TMEM63B: variants seen among roughly 807,000 people sequenced by gnomAD.
TMEM63B encodes mechanosensitive cation channel TMEM63B.
A neutral mutation model predicts 102.6 loss-of-function variants in TMEM63B; 23 were observed. That is an observed-to-expected ratio of 0.22 (90% confidence interval 0.16 to 0.32). The LOEUF is 0.32. Ranked by LOEUF, TMEM63B falls within the 10% of genes least tolerant of loss-of-function variation. The pLI is 1.00. For synonymous variants in TMEM63B, 444 were observed against 437.0 expected, an observed-to-expected ratio of 1.02 and a Z score of -0.20; for missense variants, 628 against 1,095.9, an observed-to-expected ratio of 0.57 and a Z score of 6.03.
At chr6:44,131,732 C>T (rs975408609) in intron 1 of TMEM63B, among the ~76,000 whole-genome samples, 1 of 90,462 alleles carries the variant, frequency 1.1e-5, no homozygotes, top group African/African-American at 6.4e-5. Context: ...AAATACACAA[C>T]AACCCCCCCA....
intron 10 of TMEM63B, among the ~76,000 whole-genome samples, chr6:44,144,699 C>T (rs1389277174): frequency 1.3e-5 from 2 of 151,986 alleles, no homozygotes; most frequent in East Asian, 3.9e-4. Context: ...TGGGCTGAAT[C>T]GATCCTCCTG....
intron 6 of TMEM63B, chr6:44,138,719 T>C (rs1763514490): frequency 2.0e-5 from 7 of 356,890 alleles, no homozygotes; most frequent in East Asian, 4.7e-5. Flanking sequence ...CATAATCTCC[T>C]CTGTGACCCC....
chr6:44,148,647 A>G lies in TMEM63B; in HGVS notation c.1256A>G (p.Tyr419Cys), dbSNP rs771888770. The G allele has an allele frequency of 1.2e-6, 2 of 1,613,850 alleles. No individual in the cohort carries two copies. The highest frequency in any genetic ancestry group is 1.7e-6 in the Non-Finnish European group (2 of 1,179,828). The change falls in exon 14 of 24, where the codon TAC becomes TGC. Residue 419 changes from tyrosine (Y) to cysteine (C), a missense_variant. By Grantham distance (194) the Tyr-to-Cys change is radical (BLOSUM62 -2). Around this residue, in one of 6 missense-constraint regions of TMEM63B, gnomAD observed 336 missense variants for 580.3 expected, o/e 0.58. Transcript: ENST00000323267. This position sits in a 1 kb window ranked among gnomAD's most constrained non-coding sequence, Gnocchi z 5.1. ...VSYAPDPQNI[Y>C]WEHLSIRGFI... is the part of the protein sequence containing the mutation. ...TATGCCCCTGACCCTCAGAACATCT[A>G]CTGGTGAGCAAACAGGTGTCAGGGC...
Position 44,147,331 on chromosome 6 carries a change from C to T in TMEM63B, c.864-46C>T, listed in dbSNP as rs1177693485. The T allele has an allele frequency of 3.7e-6, 6 of 1,613,776 alleles. No individual in the cohort carries two copies. In the South Asian group the frequency reaches 6.6e-5, roughly 18 times the overall value. ...GAGCTAGATGACCCCCAAGCTGAGCCAGCCCCAGCCCCAGATGTAGGTGAC... is the reference window on the plus strand; with the variant it reads ...GAGCTAGATGACCCCCAAGCTGAGCTAGCCCCAGCCCCAGATGTAGGTGAC... On this transcript the variant is annotated intron_variant, in intron 11 of 23. Transcript: ENST00000323267.
chr6:44,144,141 C>T (rs930172820), intron 10 of TMEM63B, among the ~76,000 whole-genome samples: 4 of 152,072 alleles, frequency 2.6e-5, no homozygotes, highest in Admixed American at 6.5e-5. Context: ...TTCATTGATC[C>T]GCTCATTTAC....
At chr6:44,146,976 T>C (rs372224849) in intron 11 of TMEM63B, 49 bp downstream of exon 11, 3 of 1,591,892 alleles carry the variant, frequency 1.9e-6, no homozygotes, top group Non-Finnish European at 2.6e-6. Flanking sequence ...CCCCTGCCAT[T>C]GTGGAGGACA....
Position 44,150,560 on chromosome 6 carries a change from C to G in TMEM63B, c.1608-4C>G. 1 of 1,614,184 alleles carries G rather than the reference C, an allele frequency of 6.2e-7. No individual in the cohort carries two copies. The highest frequency in any genetic ancestry group is 8.5e-7 in the Non-Finnish European group (1 of 1,180,030). On this transcript the variant is annotated splice_polypyrimidine_tract_variant and splice_region_variant and intron_variant, in intron 17 of 23. Coordinates refer to ENST00000323267, the MANE Select transcript of TMEM63B (RefSeq NM_018426.3). The surrounding 1 kb of genome is among the most constrained non-coding windows in gnomAD (Gnocchi z 4.7). Reference sequence around the variant, plus strand: ...CACCCCATCTCTCCTCTGCTTCCCTCCAGCCTGGACCTCTTCTTCCGCTGG... The same window carrying G: ...CACCCCATCTCTCCTCTGCTTCCCTGCAGCCTGGACCTCTTCTTCCGCTGG...
At chr6:44,129,840 T>C (rs1318067638) in intron 1 of TMEM63B, among the ~76,000 whole-genome samples, 1 of 152,232 alleles carries the variant, frequency 6.6e-6, no homozygotes, top group Non-Finnish European at 1.5e-5. Flanking sequence ...TTAAGAGCTT[T>C]ACATAAGTCA....
chr6:44,150,148 A>G lies in TMEM63B; in HGVS notation c.1521-76A>G. ...CCTTCCCAGGGGACACTCCTTGGAC[A>G]TTGTCCTTGTTGGGGGAGCAAGTCT... On this transcript the variant is annotated intron_variant, in intron 16 of 23. Transcript: ENST00000323267. The surrounding 1 kb of genome is among the most constrained non-coding windows in gnomAD (Gnocchi z 4.7). 6.7e-7 allele frequency: 1 copy of G among 1,485,932 alleles called. No individual in the cohort carries two copies. The highest frequency in any genetic ancestry group is 1.7e-5 in the Admixed American group (1 of 57,752). The allele number at this position is 1,485,932 out of a possible 1,614,324, so 92.0% of individuals were successfully genotyped here.
intron 4 of TMEM63B, 83 bp downstream of exon 4, chr6:44,135,449 GT>G: frequency 6.6e-7 from 1 of 1,506,600 alleles, no homozygotes; most frequent in South Asian, 1.2e-5. Flanking sequence ...TTCCTGCCAA[GT>G]TGCTGGTTTC....
chr6:44,127,866 T>A (rs907700089), intron 1 of TMEM63B, 188 bp downstream of exon 1: 7 of 150,368 alleles, frequency 4.7e-5, no homozygotes, highest in Admixed American at 3.3e-4. Context: ...CCGAGCCAAA[T>A]GTGAGTCCTC....
chr6:44,137,999 C>T (rs1462324607), intron 5 of TMEM63B, among the ~76,000 whole-genome samples: 3 of 152,088 alleles, frequency 2.0e-5, no homozygotes, highest in East Asian at 1.9e-4. Flanking sequence ...CGCACCTGGC[C>T]GGAGGTGGGG....
At chr6:44,129,745 C>G (rs531974182) in intron 1 of TMEM63B, among the ~76,000 whole-genome samples, 4 of 152,256 alleles carry the variant, frequency 2.6e-5, no homozygotes, top group East Asian at 1.9e-4. Flanking sequence ...TACCAATTTT[C>G]TTTCTCTAAA....
At chr6:44,136,021 G>A (rs548475106) in intron 4 of TMEM63B, among the ~76,000 whole-genome samples, 26 of 152,088 alleles carry the variant, frequency 1.7e-4, no homozygotes, top group Admixed American at 3.3e-4. Context: ...GCCCGCCCCC[G>A]GCCCCTGCCA....
intron 1 of TMEM63B, chr6:44,132,161 C>T: frequency 1.3e-6 from 1 of 749,794 alleles, no homozygotes; most frequent in Admixed American, 6.2e-5. Flanking sequence ...GTTCCTGCTT[C>T]CTCCCTGTAA....
chr6:44,138,587 C>A (rs1763480845), intron 6 of TMEM63B, 70 bp downstream of exon 6: 10 of 1,591,700 alleles, frequency 6.3e-6, no homozygotes, highest in Non-Finnish European at 8.6e-6. Flanking sequence ...CTACAAAATT[C>A]AGAAGCCAGC....
chr6:44,147,066 T>A, intron 11 of TMEM63B, 139 bp downstream of exon 11: 2 of 1,017,348 alleles, frequency 2.0e-6, no homozygotes, highest in East Asian at 2.6e-5. Context: ...GTGTGCCTGT[T>A]AATTCAGCTC....
intron 1 of TMEM63B, among the ~76,000 whole-genome samples, chr6:44,128,078 C>T (rs1468534510): frequency 1.3e-5 from 2 of 152,010 alleles, no homozygotes; most frequent in South Asian, 4.1e-4. Context: ...TAGCCGCCCC[C>T]GCCCCCGAGT....
chr6:44,138,540 C>G, intron 6 of TMEM63B, 23 bp downstream of exon 6: 1 of 1,613,858 alleles, frequency 6.2e-7, no homozygotes. Flanking sequence ...TCTTCAAGCT[C>G]TAAAGAAAGA....
Sources: allele counts gnomAD v4.1 joint callset (sites outside exome capture counted in the v4.1 genomes callset), GRCh38; gene constraint gnomAD v4.1.1; regional missense constraint gnomAD v4.1.1; non-coding constraint Gnocchi (gnomAD v3.1); transcripts MANE v1.5; gene names NCBI Gene and HGNC (gene_info 2026-07-23, HGNC 2026-07-21).